The following CRYBG1 variants were observed in gnomAD, a reference collection of about 807,000 sequenced individuals.
CRYBG1 encodes crystallin beta-gamma domain containing 1, also known as beta/gamma crystallin domain-containing protein 1.
CRYBG1 carries 139 observed loss-of-function variants against 189.2 expected under a neutral mutation model. The ratio of observed to expected loss-of-function variants is 0.73; its 90% confidence interval spans 0.64 to 0.85. The LOEUF (loss-of-function observed/expected upper bound fraction) is 0.85. Among genes scored for constraint, CRYBG1 ranks in the 40% least tolerant of loss-of-function variants. The probability of loss-of-function intolerance (pLI) is 0.00; values close to 1 mark genes in which losing one functional copy is unlikely to be tolerated. For missense variants in CRYBG1, 2,611 were observed against 2,675.8 expected (o/e 0.98, Z 0.53); for synonymous variants, 1,023 against 1,017.1 (o/e 1.01, Z -0.11).
At chr6:106,469,180 C>T (rs1190786895) in intron 2 of CRYBG1, among the ~76,000 whole-genome samples, 1 of 152,204 alleles carries the variant, frequency 6.6e-6, no homozygotes, top group Non-Finnish European at 1.5e-5. Context: ...GTGGTATTAC[C>T]TATTGGCTCT....
intron 1 of CRYBG1, among the ~76,000 whole-genome samples, chr6:106,379,988 G>T (rs1335204039): frequency 6.6e-6 from 1 of 152,126 alleles, no homozygotes; most frequent in Non-Finnish European, 1.5e-5. Context: ...CAAATGGCTG[G>T]CCATTGAATC....
intron 1 of CRYBG1, among the ~76,000 whole-genome samples, chr6:106,364,356 C>A (rs560321133): frequency 1.3e-5 from 2 of 151,956 alleles, no homozygotes; most frequent in Non-Finnish European, 2.9e-5. Context: ...GAAAGAAAAG[C>A]TTGCCAGTCC....
chr6:106,370,054 T>C (rs1363307461), intron 1 of CRYBG1, among the ~76,000 whole-genome samples: 1 of 152,198 alleles, frequency 6.6e-6, no homozygotes, highest in Non-Finnish European at 1.5e-5. Context: ...ATCTCACAAG[T>C]AGAAATTAAA....
At chr6:106,431,217 G>T (rs1440253060) in intron 1 of CRYBG1, among the ~76,000 whole-genome samples, 1 of 152,160 alleles carries the variant, frequency 6.6e-6, no homozygotes, top group Admixed American at 6.5e-5. Context: ...AATTCATTTA[G>T]TCCTCTGCCA....
rs541518108 is a variant in CRYBG1, at chr6:106,512,063, GC to G, written c.951del (p.Ser318ValfsTer59). 4.6e-5 allele frequency: 70 copies of G among 1,533,718 alleles called. No individual in the cohort carries two copies. Among genetic ancestry groups the G allele is most frequent in the Middle Eastern group, 3.4e-4 (2 of 5,900 alleles). On this transcript the variant is annotated frameshift_variant, in exon 3 of 22. Transcript: ENST00000633556. LOFTEE classifies it high-confidence loss of function. ...AGGACTAGGCGAGGCCCCTAACGGA[GC>G]CCCCAGTGTGTGTGCCGAAGAAGGC... ...AGGLGEAPNG[A>X]PSVCAEEGSL...
chr6:106,422,213 C>T (rs1395959783), intron 1 of CRYBG1, among the ~76,000 whole-genome samples: 2 of 152,136 alleles, frequency 1.3e-5, no homozygotes, highest in African/African-American at 4.8e-5. Context: ...TCCTTTATGG[C>T]CACAATCCTA....
chr6:106,491,268 G>A (rs562737741), intron 2 of CRYBG1, among the ~76,000 whole-genome samples: 2 of 152,306 alleles, frequency 1.3e-5, no homozygotes, highest in Admixed American at 6.5e-5. Context: ...TCAAAAACTG[G>A]AAAATGCTGA....
chr6:106,395,155 G>A (rs1042027766), intron 1 of CRYBG1, among the ~76,000 whole-genome samples: 1 of 151,812 alleles, frequency 6.6e-6, no homozygotes, highest in African/African-American at 2.4e-5. Flanking sequence ...AGCACTTTGA[G>A]AGGCTGAGGT....
chr6:106,521,524 T>A (rs1247275650), intron 4 of CRYBG1, 71 bp downstream of exon 4: 1 of 1,429,612 alleles, frequency 7.0e-7, no homozygotes, highest in Non-Finnish European at 9.4e-7. Context: ...GATGAGCAAC[T>A]CATGTTATTC....
intron 2 of CRYBG1, among the ~76,000 whole-genome samples, chr6:106,480,225 G>A (rs76416001): frequency 0.075 from 11,343 of 152,102 alleles, 681 homozygotes; most frequent in African/African-American, 0.15. Context: ...AGTGCTATGT[G>A]GTTCTGGTTA....
chr6:106,404,706 A>G (rs1770790046), intron 1 of CRYBG1, among the ~76,000 whole-genome samples: 1 of 151,944 alleles, frequency 6.6e-6, no homozygotes, highest in Admixed American at 6.6e-5. Flanking sequence ...GGGACTGATT[A>G]GAGAGTGGGT....
At chr6:106,490,193 C>T (rs1772688376) in intron 2 of CRYBG1, among the ~76,000 whole-genome samples, 1 of 152,210 alleles carries the variant, frequency 6.6e-6, no homozygotes, top group South Asian at 2.1e-4. Flanking sequence ...TTAAAAGAGC[C>T]AGGAGAATCC....
chr6:106,383,153 A>G (rs987742205), intron 1 of CRYBG1, among the ~76,000 whole-genome samples: 1 of 152,196 alleles, frequency 6.6e-6, no homozygotes, highest in African/African-American at 2.4e-5. Context: ...AAGTATATGA[A>G]GATATTACCT....
chr6:106,386,767 C>T (rs557786995), intron 1 of CRYBG1, among the ~76,000 whole-genome samples: 3 of 152,128 alleles, frequency 2.0e-5, no homozygotes, highest in Non-Finnish European at 2.9e-5. Flanking sequence ...TGATGGAGAT[C>T]GGCTGTAAAT....
Position 106,522,588 on chromosome 6 carries a change from A to G in CRYBG1, c.4245+1135A>G, listed in dbSNP as rs149261500. On this transcript the variant is annotated intron_variant, in intron 4 of 21. Coordinates refer to ENST00000633556, the MANE Select transcript of CRYBG1 (RefSeq NM_001371242.2). ...GGACTATGAGAGAGGAAGGTGGAAT[A>G]TATGTTTAGTGATCAGCTCTGCCAG... 3.3e-3 allele frequency among the ~76,000 whole-genome samples: 500 copies of G among 152,304 alleles called. 4 individuals are homozygous for G. The highest frequency in any genetic ancestry group is 0.011 in the African/African-American group (469 of 41,558).
intron 4 of CRYBG1, among the ~76,000 whole-genome samples, chr6:106,524,291 G>T (rs373190890): frequency 6.6e-6 from 1 of 152,100 alleles, no homozygotes; most frequent in African/African-American, 2.4e-5. Context: ...GGCCGGGCAC[G>T]GTGGCTCTCA....
chr6:106,505,302 GCCAGGATGGTCT>G (rs750069350), intron 2 of CRYBG1, among the ~76,000 whole-genome samples: 5 of 152,014 alleles, frequency 3.3e-5, no homozygotes, highest in African/African-American at 4.8e-5. Context: ...CATCATGTTA[GCCAGGATGGTCT>G]CGATCTCTTG....
At chr6:106,436,177 A>G (rs1306409876) in intron 1 of CRYBG1, among the ~76,000 whole-genome samples, 2 of 97,148 alleles carry the variant, frequency 2.1e-5, no homozygotes, top group East Asian at 8.9e-4. Context: ...CAATTTCGGA[A>G]AATACAGAAA....
intron 10 of CRYBG1, among the ~76,000 whole-genome samples, chr6:106,542,810 A>G (rs1774163742): frequency 2.1e-5 from 3 of 142,264 alleles, no homozygotes; most frequent in Non-Finnish European, 3.0e-5. Context: ...CACTATGCCC[A>G]GCTAATTTTT....
Sources: gnomAD v4.1 joint callset for allele counts (sites outside exome capture counted in the v4.1 genomes callset) on GRCh38, gnomAD v4.1.1 for gene constraint, MANE v1.5 for transcripts, NCBI Gene and HGNC (gene_info 2026-07-23, HGNC 2026-07-21) for gene names.